SNX8: variants seen among roughly 807,000 people sequenced by gnomAD.
SNX8 encodes the protein sorting nexin 8.
In SNX8, 25 loss-of-function variants were observed where a neutral mutation model predicts 51.6. The ratio of observed to expected loss-of-function variants is 0.48; its 90% CI spans 0.35 to 0.68. The LOEUF is 0.68. Ranked by LOEUF, SNX8 falls within the 30% of genes least tolerant of loss-of-function variation. The pLI is 0.00. For missense variants in SNX8, 695 were observed against 624.0 expected, an observed-to-expected ratio of 1.11 and a Z score of -1.21; for synonymous variants, 324 against 277.0, an observed-to-expected ratio of 1.17 and a Z score of -1.68.
At chr7:2,255,194 G>T in intron 10 of SNX8, 25 bp from the exon 11 acceptor site, 1 of 1,438,594 alleles carries the variant, frequency 7.0e-7, no homozygotes, top group Non-Finnish European at 9.4e-7. Context: ...AAGAGAACAA[G>T]ATCAGCAGGC....
intron 1 of SNX8, among the ~76,000 whole-genome samples, chr7:2,285,765 C>T (rs1173638775): frequency 1.3e-5 from 2 of 152,140 alleles, no homozygotes; most frequent in East Asian, 3.9e-4. Flanking sequence ...CTCCTGGGCT[C>T]AAGCAATCCT....
chr7:2,267,725 G>A (rs1024963120), intron 5 of SNX8, among the ~76,000 whole-genome samples: 16 of 147,812 alleles, frequency 1.1e-4, no homozygotes, highest in Non-Finnish European at 1.5e-4. Flanking sequence ...GCCTCTGCCC[G>A]GCCGCCACCC....
At chr7:2,348,632 T>C (rs1281377984) in intron 1 of SNX8, among the ~76,000 whole-genome samples, 1 of 148,428 alleles carries the variant, frequency 6.7e-6, no homozygotes, top group African/African-American at 2.5e-5. Flanking sequence ...TGAGCCACCG[T>C]GCCCGGCCCA....
At chr7:2,262,746 C>A (rs113747184) in intron 7 of SNX8, among the ~76,000 whole-genome samples, 1 of 152,216 alleles carries the variant, frequency 6.6e-6, no homozygotes, top group East Asian at 1.9e-4. Flanking sequence ...AAAGCGTAAA[C>A]GCTCCCAGGG....
intron 2 of SNX8, among the ~76,000 whole-genome samples, chr7:2,277,043 T>TGGGCCAGGGCC (rs1250805782): frequency 6.6e-6 from 1 of 152,264 alleles, no homozygotes; most frequent in Non-Finnish European, 1.5e-5. Context: ...CGGCCGGGGC[T>TGGGCCAGGGCC]GGGCCAGGGC....
intron 1 of SNX8, among the ~76,000 whole-genome samples, chr7:2,334,954 G>T (rs1185686729): frequency 6.6e-6 from 1 of 150,538 alleles, no homozygotes; most frequent in Admixed American, 6.7e-5. Flanking sequence ...GGTACAATTT[G>T]GGAGGCCAAG....
rs148543693 is a variant in SNX8 at position 2,283,758 on chromosome 7, G to A, written c.95-5453C>T. Among the ~76,000 whole-genome samples, 1,222 of 152,284 alleles carry A rather than the reference G, an allele frequency of 8.0e-3. 10 individuals are homozygous for A. The highest frequency in any genetic ancestry group is 0.078 in the Middle Eastern group (23 of 294). ...ACAGAGGGCTGGGCCCACTCCCAGC[G>A]TCTCTCCAACAGGAGGGCTGGGGTG... On this transcript the variant is annotated intron_variant, in intron 1 of 10. Coordinates refer to ENST00000222990, the MANE Select transcript of SNX8 (RefSeq NM_013321.4).
chr7:2,327,302 C>G lies in SNX8; in HGVS notation c.-66+26920G>C, dbSNP rs910191197. Among the ~76,000 whole-genome samples, 3 of 152,178 alleles carry G rather than the reference C, an allele frequency of 2.0e-5. No homozygotes were observed. In the South Asian group the frequency reaches 6.2e-4, roughly 32 times the overall value. On this transcript the variant is annotated intron_variant, in intron 1 of 5. Coordinates refer to the SNX8 transcript ENST00000435336. The stretch of plus-strand genomic sequence containing the variant: ...TTGCCCAGGCTGGAGTGCTGTGGTG[C>G]AATCTCGGCTCACTGCAAGCTCCGC...
chr7:2,281,613 T>C (rs1795908152), intron 1 of SNX8, among the ~76,000 whole-genome samples: 1 of 151,856 alleles, frequency 6.6e-6, no homozygotes, highest in Non-Finnish European at 1.5e-5. Flanking sequence ...ACACAGCCCA[T>C]AAGACACAGA....
intron 2 of SNX8, 72 bp downstream of exon 2, chr7:2,278,028 C>T: frequency 6.4e-7 from 1 of 1,557,398 alleles, no homozygotes; most frequent in Non-Finnish European, 8.7e-7. Context: ...CACACCACTC[C>T]TGCCCTGAGA....
chr7:2,277,491 C>T (rs1254919652), intron 2 of SNX8, among the ~76,000 whole-genome samples: 2 of 152,060 alleles, frequency 1.3e-5, no homozygotes, highest in African/African-American at 2.4e-5. Context: ...GGACCGTCCG[C>T]GGGAGATTCC....
At chr7:2,311,753 T>C (rs1220685600) in intron 1 of SNX8, among the ~76,000 whole-genome samples, 2 of 151,556 alleles carry the variant, frequency 1.3e-5, no homozygotes, top group African/African-American at 2.4e-5. Context: ...CTGGCTAACA[T>C]GGTGAAACCC....
chr7:2,300,002 G>A (rs1796357240), intron 1 of SNX8, among the ~76,000 whole-genome samples: 2 of 152,188 alleles, frequency 1.3e-5, no homozygotes, highest in Admixed American at 1.3e-4. Flanking sequence ...CTTAAGGGTA[G>A]ACAACAAGGA....
Position 2,252,091 on chromosome 7 carries a change from T to C in SNX8, c.*2965A>G, listed in dbSNP as rs1052478337. Reference sequence around the variant, plus strand: ...GGACCACGAGGACCCAATGAAAATGTCCCCTTTCACCATGATCGGCAGCCC... The same window carrying C: ...GGACCACGAGGACCCAATGAAAATGCCCCCTTTCACCATGATCGGCAGCCC... On this transcript the variant is annotated 3_prime_UTR_variant, in exon 11 of 11. Transcript: ENST00000222990. 6.6e-6 allele frequency: 1 copy of C among 151,900 alleles called. No homozygotes were observed. The highest frequency in any genetic ancestry group is 2.4e-5 in the African/African-American group (1 of 41,170). 9.4% of individuals were successfully genotyped at this position (151,900 alleles called of 1,614,324 possible). A position where few individuals can be genotyped will look rare whatever the true frequency, so the allele number is the denominator to read the frequency against.
chr7:2,255,186 G>C lies in SNX8; in HGVS notation c.1285-17C>G. The C allele has an allele frequency of 1.3e-6, 2 of 1,489,836 alleles. No homozygotes were observed. The highest frequency in any genetic ancestry group is 1.8e-6 in the Non-Finnish European group (2 of 1,100,654). 92.3% of individuals were successfully genotyped at this position (1,489,836 alleles called of 1,614,324 possible). On this transcript the variant is annotated splice_polypyrimidine_tract_variant and intron_variant, in intron 10 of 10. Coordinates refer to ENST00000222990, the MANE Select transcript of SNX8 (RefSeq NM_013321.4). ...CTTGCTCATCTGAAAGGGAAGCGAA[G>C]AGAACAAGATCAGCAGGCGGGGCCG...
rs117029638 is a variant in SNX8 at position 2,271,732 on chromosome 7, C to T, written c.540+118G>A. ...AGAAGTCTTGTCCATGTCATTCCTG[C>T]TGGGCGTCCAAACAAGGGACCAGGA... On this transcript the variant is annotated intron_variant, in intron 4 of 10. Transcript: ENST00000222990. 2.0e-3 allele frequency: 2,312 copies of T among 1,170,044 alleles called. 3 individuals are homozygous for T. Among genetic ancestry groups the T allele is most frequent in the Admixed American group, 2.7e-3 (105 of 38,912 alleles). The allele number at this position is 1,170,044 out of a possible 1,614,324, so 72.5% of individuals were successfully genotyped here. A position where few individuals can be genotyped will look rare whatever the true frequency, so the allele number is the denominator to read the frequency against.
chr7:2,255,436 C>G (rs907410466), intron 10 of SNX8, among the ~76,000 whole-genome samples: 2 of 152,240 alleles, frequency 1.3e-5, no homozygotes, highest in African/African-American at 4.8e-5. Flanking sequence ...ATCTGCCTGC[C>G]GTGGAATCGT....
At chr7:2,314,481 G>C, upstream of SNX8, 12 of 1,179,678 alleles carry the variant, frequency 1.0e-5, no homozygotes, top group Non-Finnish European at 1.3e-5. Context: ...GCCCTGCCGC[G>C]CCGCGCCCTC....
chr7:2,346,094 A>G (rs1443866712), intron 1 of SNX8, among the ~76,000 whole-genome samples: 2 of 152,164 alleles, frequency 1.3e-5, no homozygotes, highest in African/African-American at 4.8e-5. Context: ...GGCGTGAGCC[A>G]CCACACCCAG....
Sources: gnomAD v4.1 joint callset for allele counts (sites outside exome capture counted in the v4.1 genomes callset) on GRCh38, gnomAD v4.1.1 for gene constraint, MANE v1.5 for transcripts, NCBI Gene and HGNC (gene_info 2026-07-23, HGNC 2026-07-21) for gene names.